The following PTPRD variants were observed in gnomAD, a reference collection of about 807,000 sequenced individuals.
The protein encoded by PTPRD is receptor-type tyrosine-protein phosphatase delta.
In PTPRD, 34 loss-of-function variants were observed where a neutral mutation model predicts 214.5. That is an observed-to-expected ratio of 0.16 (90% CI 0.12 to 0.21). PTPRD has a LOEUF of 0.21. PTPRD is among the 10% of genes least tolerant of loss of function. PTPRD has a pLI of 1.00. For synonymous variants in PTPRD, 1,128 were observed against 845.7 expected (o/e 1.33, Z -5.79); for missense variants, 2,545 against 2,398.7 (o/e 1.06, Z -1.27).
intron 11 of PTPRD, among the ~76,000 whole-genome samples, chr9:8,845,721 C>T (rs1865342): frequency 0.8 from 122,415 of 152,244 alleles, 49,492 homozygotes; most frequent in Middle Eastern, 0.89. Context: ...GTGAGACATA[C>T]GTCACTTTCC....
chr9:8,627,480 G>A (rs1342120603), intron 14 of PTPRD, among the ~76,000 whole-genome samples: 5 of 151,760 alleles, frequency 3.3e-5, no homozygotes, highest in Non-Finnish European at 5.9e-5. Flanking sequence ...GTAAACACTC[G>A]CATGAGTTGA....
intron 2 of PTPRD, among the ~76,000 whole-genome samples, chr9:10,501,802 G>A (rs1427652444): frequency 2.0e-5 from 3 of 151,884 alleles, no homozygotes; most frequent in African/African-American, 7.2e-5. Context: ...CACTCTAATT[G>A]CTTTGTTGAC....
intron 11 of PTPRD, among the ~76,000 whole-genome samples, chr9:8,857,063 C>T (rs1031662770): frequency 6.6e-6 from 1 of 152,168 alleles, no homozygotes; most frequent in Non-Finnish European, 1.5e-5. Flanking sequence ...ACACCAGATT[C>T]CCGCAGCTGA....
chr9:9,945,898 A>G (rs2092474743), intron 4 of PTPRD, among the ~76,000 whole-genome samples: 1 of 152,194 alleles, frequency 6.6e-6, no homozygotes, highest in Non-Finnish European at 1.5e-5. Context: ...AATATTTTTT[A>G]AAAGATGGTT....
intron 10 of PTPRD, among the ~76,000 whole-genome samples, chr9:9,074,846 C>A (rs1312308451): frequency 2.7e-5 from 4 of 149,486 alleles, no homozygotes; most frequent in South Asian, 2.1e-4. Context: ...AGTTTTAGAA[C>A]AAATTTAGGT....
chr9:9,855,724 A>T (rs866694227), intron 5 of PTPRD, among the ~76,000 whole-genome samples: 1 of 152,196 alleles, frequency 6.6e-6, no homozygotes, highest in Non-Finnish European at 1.5e-5. Flanking sequence ...TGCAGGAGCC[A>T]GGGCGAACAC....
At chr9:9,424,391 G>A (rs1445617660) in intron 8 of PTPRD, among the ~76,000 whole-genome samples, 1 of 152,178 alleles carries the variant, frequency 6.6e-6, no homozygotes, top group Non-Finnish European at 1.5e-5. Flanking sequence ...CTACCAGCTG[G>A]CTGGCAACGG....
At chr9:8,681,526 G>A (rs2097549081) in intron 12 of PTPRD, among the ~76,000 whole-genome samples, 1 of 152,092 alleles carries the variant, frequency 6.6e-6, no homozygotes, top group Non-Finnish European at 1.5e-5. Flanking sequence ...GTCTTTAAAA[G>A]CTTTTGTCCC....
intron 11 of PTPRD, among the ~76,000 whole-genome samples, chr9:8,812,649 A>C (rs1230922940): frequency 6.6e-6 from 1 of 152,026 alleles, no homozygotes; most frequent in Admixed American, 6.6e-5. Context: ...GTCCATGTTG[A>C]CCTTCAACCC....
chr9:9,844,662 T>G (rs1250257131), intron 5 of PTPRD, among the ~76,000 whole-genome samples: 1 of 151,788 alleles, frequency 6.6e-6, no homozygotes. Flanking sequence ...TAACAGTTAT[T>G]AGCTTTATTT....
At chr9:9,614,916 T>C (rs1014082045) in intron 7 of PTPRD, among the ~76,000 whole-genome samples, 1 of 152,124 alleles carries the variant, frequency 6.6e-6, no homozygotes, top group Middle Eastern at 3.2e-3. Flanking sequence ...TTCAATATAA[T>C]AATCAACAGA....
intron 11 of PTPRD, among the ~76,000 whole-genome samples, chr9:8,798,654 T>C (rs914938109): frequency 1.3e-5 from 2 of 152,250 alleles, no homozygotes; most frequent in African/African-American, 4.8e-5. Flanking sequence ...GCATCTACTC[T>C]ACGTTAAGTG....
At chr9:9,682,084 T>G (rs2097085626) in intron 7 of PTPRD, among the ~76,000 whole-genome samples, 1 of 151,776 alleles carries the variant, frequency 6.6e-6, no homozygotes, top group South Asian at 2.1e-4. Context: ...GGCTCTAACT[T>G]GCCAGCCCCT....
chr9:10,556,814 C>G (rs1245647017), intron 2 of PTPRD, among the ~76,000 whole-genome samples: 1 of 151,854 alleles, frequency 6.6e-6, no homozygotes, highest in African/African-American at 2.4e-5. Context: ...TGGTACAATA[C>G]AGTAAAAATA....
intron 5 of PTPRD, among the ~76,000 whole-genome samples, chr9:9,890,962 C>T (rs4742634): frequency 0.43 from 65,252 of 151,922 alleles, 18,413 homozygotes; most frequent in East Asian, 0.84. Flanking sequence ...ATATCTACAT[C>T]GCTGGCAGTA....
At chr9:9,117,911 T>G (rs1227868670) in intron 10 of PTPRD, among the ~76,000 whole-genome samples, 2 of 152,072 alleles carry the variant, frequency 1.3e-5, no homozygotes, top group African/African-American at 4.8e-5. Flanking sequence ...GGATCCAGGT[T>G]TTGTGGCATC....
At chr9:10,541,501 T>C (rs1489058105) in intron 2 of PTPRD, among the ~76,000 whole-genome samples, 2 of 152,056 alleles carry the variant, frequency 1.3e-5, no homozygotes, top group Non-Finnish European at 2.9e-5. Flanking sequence ...CATAAGTTTA[T>C]GCAGTGAGTG....
intron 8 of PTPRD, among the ~76,000 whole-genome samples, chr9:9,564,884 G>GTTTTTTTTTTTTTTT (rs1191664969): frequency 1.2e-4 from 6 of 48,842 alleles, no homozygotes; most frequent in East Asian, 7.1e-4. Flanking sequence ...TGAATCTTCT[G>GTTTTTTTTTTTTTTT]TTTTTTTTTT....
At chr9:9,796,761 G>A (rs568968322) in intron 5 of PTPRD, among the ~76,000 whole-genome samples, 1 of 152,166 alleles carries the variant, frequency 6.6e-6, no homozygotes, top group African/African-American at 2.4e-5. Context: ...AGGAATGAAA[G>A]GGCCATGAGG....
Sources: gnomAD v4.1 joint callset for allele counts (sites outside exome capture counted in the v4.1 genomes callset) on GRCh38, gnomAD v4.1.1 for gene constraint, MANE v1.5 for transcripts, NCBI Gene and HGNC (gene_info 2026-07-23, HGNC 2026-07-21) for gene names.